Variants in CPEB3 observed in about 807,000 individuals in gnomAD.
CPEB3 encodes cytoplasmic polyadenylation element binding protein 3.
A neutral mutation model predicts 67.2 loss-of-function variants in CPEB3; 20 were observed. The ratio of observed to expected loss-of-function variants is 0.30; its 90% CI spans 0.21 to 0.43. The LOEUF is 0.43. CPEB3 is among the 20% of genes least tolerant of loss of function. The probability of loss-of-function intolerance (pLI) is 1.00; values close to 1 mark genes in which losing one functional copy is unlikely to be tolerated. For missense variants in CPEB3, 746 were observed against 968.6 expected, an observed-to-expected ratio of 0.77 and a Z score of 3.05; for synonymous variants, 376 against 393.1, an observed-to-expected ratio of 0.96 and a Z score of 0.51.
At chr10:92,220,345 T>C (rs1850632505) in intron 2 of CPEB3, among the ~76,000 whole-genome samples, 1 of 152,204 alleles carries the variant, frequency 6.6e-6, no homozygotes, top group Admixed American at 6.5e-5. Context: ...ATATTCAAAA[T>C]AATGTTTCAT....
chr10:92,195,839 A>C (rs1590358118), intron 2 of CPEB3, among the ~76,000 whole-genome samples: 1 of 152,240 alleles, frequency 6.6e-6, no homozygotes, highest in South Asian at 2.1e-4. Flanking sequence ...CCTCAATGCC[A>C]AAACCTAAGG....
chr10:92,230,563 T>C (rs867450532), intron 2 of CPEB3, among the ~76,000 whole-genome samples: 1 of 152,198 alleles, frequency 6.6e-6, no homozygotes, highest in Non-Finnish European at 1.5e-5. Context: ...TGTAGTACTT[T>C]AATTCACTAG....
intron 9 of CPEB3, among the ~76,000 whole-genome samples, chr10:92,056,858 G>C (rs534793035): frequency 6.6e-6 from 1 of 152,310 alleles, no homozygotes. Flanking sequence ...AGTGGGAAGA[G>C]CTTCGTCTTG....
At chr10:92,224,788 G>T (rs1179955291) in intron 2 of CPEB3, among the ~76,000 whole-genome samples, 1 of 151,412 alleles carries the variant, frequency 6.6e-6, no homozygotes, top group Non-Finnish European at 1.5e-5. Context: ...TGAGGTTGCA[G>T]TGAGCTATGA....
At chr10:92,083,359 C>T (rs1590097426) in intron 8 of CPEB3, among the ~76,000 whole-genome samples, 1 of 152,214 alleles carries the variant, frequency 6.6e-6, no homozygotes, top group Non-Finnish European at 1.5e-5. Flanking sequence ...CCGTTAAAGC[C>T]AAGTTGATGC....
chr10:92,201,709 CA>C (rs1849533952), intron 2 of CPEB3, among the ~76,000 whole-genome samples: 1 of 152,144 alleles, frequency 6.6e-6, no homozygotes, highest in Non-Finnish European at 1.5e-5. Context: ...TTAGGTATAA[CA>C]ATAAAGGGGG....
intron 4 of CPEB3, among the ~76,000 whole-genome samples, chr10:92,170,738 T>C (rs527351865): frequency 6.6e-6 from 1 of 152,262 alleles, no homozygotes; most frequent in African/African-American, 2.4e-5. Context: ...AAGAAAGTTC[T>C]AAGAATTGTA....
chr10:92,263,980 C>T (rs1004625884), intron 1 of CPEB3, among the ~76,000 whole-genome samples: 1 of 151,868 alleles, frequency 6.6e-6, no homozygotes, highest in African/African-American at 2.4e-5. Flanking sequence ...CTCATAATAA[C>T]CCTAAAAGAT....
intron 4 of CPEB3, among the ~76,000 whole-genome samples, chr10:92,173,255 G>C (rs761796159): frequency 6.6e-6 from 1 of 152,056 alleles, no homozygotes; most frequent in South Asian, 2.1e-4. Context: ...GAAGTCCACC[G>C]GGAAGAGTAA....
At chr10:92,114,621 T>C (rs891306289) in intron 6 of CPEB3, among the ~76,000 whole-genome samples, 4 of 152,236 alleles carry the variant, frequency 2.6e-5, no homozygotes, top group African/African-American at 9.6e-5. Context: ...ATTAACTCAT[T>C]TCATCTTCAC....
intron 6 of CPEB3, among the ~76,000 whole-genome samples, chr10:92,114,075 T>C (rs1303052409): frequency 6.6e-6 from 1 of 152,188 alleles, no homozygotes; most frequent in Non-Finnish European, 1.5e-5. Flanking sequence ...CTCAGCACTG[T>C]AGATAAGAGA....
chr10:92,199,195 C>T (rs981797731), intron 2 of CPEB3, among the ~76,000 whole-genome samples: 3 of 151,096 alleles, frequency 2.0e-5, no homozygotes, highest in African/African-American at 7.3e-5. Context: ...AGTTCGAGAC[C>T]AGCCTGACCA....
intron 3 of CPEB3, among the ~76,000 whole-genome samples, chr10:92,191,056 T>C (rs1335730484): frequency 6.6e-6 from 1 of 152,228 alleles, no homozygotes; most frequent in Non-Finnish European, 1.5e-5. Context: ...TAGTTACCTT[T>C]TTGTTCTTCT....
intron 1 of CPEB3, among the ~76,000 whole-genome samples, chr10:92,269,634 C>G (rs1467627901): frequency 1.3e-5 from 2 of 152,044 alleles, no homozygotes; most frequent in African/African-American, 4.8e-5. Context: ...CTCGGCTCAC[C>G]ACAACCTCTG....
At chr10:92,096,026 C>G (rs189502661) in intron 7 of CPEB3, among the ~76,000 whole-genome samples, 4 of 139,470 alleles carry the variant, frequency 2.9e-5, no homozygotes, top group Non-Finnish European at 4.6e-5. Context: ...GCCACCACAC[C>G]TGGCTGATTT....
chr10:92,251,754 G>A (rs1852310317), intron 1 of CPEB3, among the ~76,000 whole-genome samples: 1 of 151,934 alleles, frequency 6.6e-6, no homozygotes, highest in African/African-American at 2.4e-5. Flanking sequence ...TTATTAAACA[G>A]GTCCCATCCT....
At chr10:92,053,404 G>C (rs541535091) in intron 9 of CPEB3, among the ~76,000 whole-genome samples, 3 of 150,776 alleles carry the variant, frequency 2.0e-5, no homozygotes, top group Non-Finnish European at 4.4e-5. Flanking sequence ...TCACTCTGTC[G>C]CCAGGCTGGA....
intron 4 of CPEB3, among the ~76,000 whole-genome samples, chr10:92,159,812 T>C (rs1005671046): frequency 1.4e-4 from 21 of 152,226 alleles, no homozygotes; most frequent in African/African-American, 5.1e-4. Flanking sequence ...TCCTCAGGCA[T>C]CAGACTTGCC....
chr10:92,107,716 G>GA (rs5786986), intron 7 of CPEB3, among the ~76,000 whole-genome samples: 15,638 of 149,532 alleles, frequency 0.1, 2,663 homozygotes, highest in African/African-American at 0.36. Context: ...ACTGGAGAAG[G>GA]AAAAAAAAAA....
Sources: allele counts gnomAD v4.1 joint callset (sites outside exome capture counted in the v4.1 genomes callset), GRCh38; gene constraint gnomAD v4.1.1; transcripts MANE v1.5; gene names NCBI Gene and HGNC (gene_info 2026-07-23, HGNC 2026-07-21).